Variants in KDM6A observed in about 807,000 individuals in gnomAD.
KDM6A encodes lysine-specific demethylase 6A.
Under a neutral mutation model 117.6 loss-of-function variants are expected in KDM6A, and 11 were observed. The observed-to-expected ratio is 0.09, with a 90% CI of 0.06 to 0.15. The LOEUF (loss-of-function observed/expected upper bound fraction) is 0.15, where lower values mean the gene tolerates loss of function less well. Among genes scored for constraint, KDM6A ranks in the 10% least tolerant of loss-of-function variants. The pLI is 1.00. For missense variants in KDM6A, 799 were observed against 1,077.3 expected (o/e 0.74, Z 3.62); for synonymous variants, 384 against 396.1 (o/e 0.97, Z 0.36).
At chrX:44,934,516 G>A (rs760067678) in intron 2 of KDM6A, among the ~76,000 whole-genome samples, 2 of 111,730 alleles carry the variant, frequency 1.8e-5, no homozygotes, top group African/African-American at 6.5e-5. Context: ...ATGTGCCTTG[G>A]TCTGTCTGGA....
intron 2 of KDM6A, among the ~76,000 whole-genome samples, chrX:44,946,167 G>A (rs1038285528): frequency 8.9e-6 from 1 of 112,171 alleles, no homozygotes; most frequent in Non-Finnish European, 1.9e-5. Context: ...CACGATCTTG[G>A]CTCACTGCAA....
At chrX:45,058,638 T>G (rs1255883229) in intron 10 of KDM6A, among the ~76,000 whole-genome samples, 3 of 110,611 alleles carry the variant, frequency 2.7e-5, no homozygotes, top group African/African-American at 9.9e-5. Context: ...TTTGACCATA[T>G]AGGAAACTAG....
At chrX:44,960,404 G>T (rs922644144) in intron 2 of KDM6A, among the ~76,000 whole-genome samples, 10 of 111,733 alleles carry the variant, frequency 8.9e-5, no homozygotes, top group Middle Eastern at 4.6e-3. Flanking sequence ...TACCCGTGAA[G>T]ATAAAGAAAC....
At chrX:44,956,342 C>T (rs1015708624) in intron 2 of KDM6A, among the ~76,000 whole-genome samples, 1 of 111,314 alleles carries the variant, frequency 9.0e-6, no homozygotes, top group Non-Finnish European at 1.9e-5. Flanking sequence ...TTAATTTGGG[C>T]CATGAATATT....
chrX:45,068,098 A>G (rs144178815), intron 17 of KDM6A, among the ~76,000 whole-genome samples: 4,272 of 111,702 alleles, frequency 0.038, 220 homozygotes, highest in African/African-American at 0.13. Context: ...ACCTTTTAGT[A>G]TATAAATATC....
In KDM6A at chrX:45,078,412, C is replaced by T. The variant is rs2045234102; in HGVS notation, c.3001C>T (p.Arg1001Cys). The T allele has an allele frequency of 8.3e-7, 1 of 1,207,765 alleles. No homozygotes were observed. Among genetic ancestry groups the T allele is most frequent in the Non-Finnish European group, 1.1e-6 (1 of 893,538 alleles). Residue 1001 changes from arginine to cysteine, a missense_variant, in exon 20 of 30, where the codon CGT becomes TGT. By Grantham distance (180) the Arg-to-Cys change is radical (BLOSUM62 -3). Transcript: ENST00000611820. ...TTTAATTTTACAGTTGGAAAATAAACGTGATGCTTTCTTTCCTCCATTACA... is the reference window on the plus strand; with the variant it reads ...TTTAATTTTACAGTTGGAAAATAAATGTGATGCTTTCTTTCCTCCATTACA... ...PTPSIYLENK[R>C]DAFFPPLHQF...
intron 5 of KDM6A, among the ~76,000 whole-genome samples, chrX:45,011,833 T>A (rs2041773511): frequency 9.0e-6 from 1 of 111,377 alleles, no homozygotes; most frequent in African/African-American, 3.3e-5. Context: ...TTGCCCAGGC[T>A]GGAGTGCAGT....
At chrX:44,888,837 G>A (rs961996972) in intron 2 of KDM6A, among the ~76,000 whole-genome samples, 3 of 111,233 alleles carry the variant, frequency 2.7e-5, no homozygotes, top group African/African-American at 9.8e-5. Flanking sequence ...TCATGTGATG[G>A]CAAAGTTAAG....
chrX:44,924,477 A>G (rs7887756), intron 2 of KDM6A, among the ~76,000 whole-genome samples: 25,413 of 111,460 alleles, frequency 0.23, 4,759 homozygotes, highest in African/African-American at 0.64. Context: ...GAATAGAGCA[A>G]CCTTTAGTCT....
intron 2 of KDM6A, among the ~76,000 whole-genome samples, chrX:44,889,293 G>T (rs1050573935): frequency 3.6e-5 from 4 of 112,181 alleles, no homozygotes; most frequent in Admixed American, 9.5e-5. Flanking sequence ...GGAATTGCAG[G>T]TGTGAGCTAC....
intron 4 of KDM6A, among the ~76,000 whole-genome samples, chrX:44,981,654 C>A (rs2039914538): frequency 8.9e-6 from 1 of 111,791 alleles, no homozygotes; most frequent in Non-Finnish European, 1.9e-5. Flanking sequence ...TCTAATCATG[C>A]TTTGCTCTTT....
At chrX:45,021,292 G>A (rs2042161095) in intron 6 of KDM6A, among the ~76,000 whole-genome samples, 1 of 112,083 alleles carries the variant, frequency 8.9e-6, no homozygotes, top group Non-Finnish European at 1.9e-5. Flanking sequence ...TATTTCTCCA[G>A]TTTTTAATTT....
At chrX:45,077,268 A>T (rs1189139305) in intron 19 of KDM6A, among the ~76,000 whole-genome samples, 1 of 110,853 alleles carries the variant, frequency 9.0e-6, no homozygotes, top group Non-Finnish European at 1.9e-5. Flanking sequence ...GACTAAAAAA[A>T]CTTAATAGGT....
At chrX:44,875,627 C>CA (rs1020309981) in intron 2 of KDM6A, among the ~76,000 whole-genome samples, 5 of 107,650 alleles carry the variant, frequency 4.6e-5, no homozygotes, top group African/African-American at 1.7e-4. Flanking sequence ...TGACTGCTGT[C>CA]AAAGTTGTCA....
chrX:45,087,224 C>T (rs2045681942), intron 25 of KDM6A, among the ~76,000 whole-genome samples: 1 of 112,618 alleles, frequency 8.9e-6, no homozygotes, highest in Admixed American at 9.3e-5. Flanking sequence ...CTCCTGACCT[C>T]GTGATCCACC....
intron 2 of KDM6A, among the ~76,000 whole-genome samples, chrX:44,936,379 C>T (rs959765863): frequency 1.8e-4 from 20 of 111,405 alleles, no homozygotes; most frequent in African/African-American, 6.5e-4. Flanking sequence ...TGCCCCATCA[C>T]CCCCAAATAG....
chrX:44,881,931 C>T (rs1332414231), intron 2 of KDM6A, among the ~76,000 whole-genome samples: 1 of 110,382 alleles, frequency 9.1e-6, no homozygotes, highest in African/African-American at 3.3e-5. Flanking sequence ...CAGTTGATCC[C>T]CCCGCGTCGG....
intron 2 of KDM6A, among the ~76,000 whole-genome samples, chrX:44,912,110 C>T (rs2035238852): frequency 9.1e-6 from 1 of 109,597 alleles, no homozygotes; most frequent in African/African-American, 3.3e-5. Context: ...TTTTTTGAGA[C>T]GAAGCCTTGC....
intron 17 of KDM6A, among the ~76,000 whole-genome samples, chrX:45,064,291 C>G (rs1602826270): frequency 9.0e-6 from 1 of 111,080 alleles, no homozygotes; most frequent in Non-Finnish European, 1.9e-5. Context: ...AGCACATAAC[C>G]AAGATGTCAG....
Sources: allele counts gnomAD v4.1 joint callset (sites outside exome capture counted in the v4.1 genomes callset), GRCh38; gene constraint gnomAD v4.1.1; transcripts MANE v1.5; gene names NCBI Gene and HGNC (gene_info 2026-07-23, HGNC 2026-07-21).